Variants in PCDHA11 observed in about 807,000 individuals in gnomAD.
PCDHA11 encodes protocadherin alpha 11, also known as protocadherin alpha-11.
In PCDHA11, 61 loss-of-function variants were observed where a neutral mutation model predicts 70.3. That is an observed-to-expected ratio of 0.87 (90% confidence interval 0.71 to 1.07). The LOEUF is 1.07. PCDHA11 is among the 50% of genes least tolerant of loss of function. PCDHA11 has a pLI of 0.00. For missense variants in PCDHA11, 1,324 were observed against 1,237.5 expected (o/e 1.07, Z -1.05); for synonymous variants, 633 against 555.1 (o/e 1.14, Z -1.97).
chr5:140,928,744 C>T (rs143875858), intron 1 of PCDHA11: 3 of 1,614,144 alleles, frequency 1.9e-6, no homozygotes, highest in Admixed American at 3.3e-5. Context: ...TATAGGTGAG[C>T]TCCGTACTGC....
intron 3 of PCDHA11, chr5:140,989,112 T>C (rs1312650713): frequency 1.3e-5 from 2 of 152,222 alleles, no homozygotes; most frequent in Non-Finnish European, 2.9e-5. Context: ...CTTTTGAATA[T>C]ATCTTAGAAA....
rs1028376160 is a variant in PCDHA11 at position 140,924,281 on chromosome 5, C to T, written c.2391+52787C>T. Among the ~76,000 whole-genome samples the T allele has an allele frequency of 2.6e-5, 4 of 152,170 alleles. No individual in the cohort carries two copies. The East Asian group carries it at 7.7e-4, about 29-fold the overall frequency. ...TAATGAGGTCTGTACTTGTGACTAC[C>T]TAATAGGCTGACATGTTTCCTCCTT... is the stretch of plus-strand genomic sequence containing the variant. On this transcript the variant is annotated intron_variant, in intron 1 of 3. Coordinates refer to ENST00000398640, the MANE Select transcript of PCDHA11 (RefSeq NM_018902.5).
intron 1 of PCDHA11, among the ~76,000 whole-genome samples, chr5:140,907,439 A>G (rs1217956706): frequency 6.6e-6 from 1 of 152,250 alleles, no homozygotes; most frequent in Admixed American, 6.5e-5. Context: ...CTGTGAGTCC[A>G]CAGATGGTAA....
chr5:140,907,037 A>G (rs2073120356), intron 1 of PCDHA11, among the ~76,000 whole-genome samples: 1 of 152,202 alleles, frequency 6.6e-6, no homozygotes, highest in Non-Finnish European at 1.5e-5. Flanking sequence ...ATAATGTCAC[A>G]GGGACAGTAA....
chr5:140,921,131 C>A (rs532456439), intron 1 of PCDHA11, among the ~76,000 whole-genome samples: 1 of 133,054 alleles, frequency 7.5e-6, no homozygotes, highest in East Asian at 2.3e-4. Flanking sequence ...CAGGTGCACA[C>A]CACTACACCC....
chr5:140,929,511 G>T, intron 1 of PCDHA11: 1 of 781,088 alleles, frequency 1.3e-6, no homozygotes, highest in Non-Finnish European at 1.8e-6. Flanking sequence ...AGGCCTCAAG[G>T]GACTTATAGT....
In PCDHA11 at chr5:140,937,639, A is replaced by G. The variant is rs140444916; in HGVS notation, c.2392-41310A>G. On this transcript the variant is annotated intron_variant, in intron 1 of 3. Transcript: ENST00000398640. ...CTAAAAAGAAAAAGAAAGGCAGGGC[A>G]TGGTGGCTCACGCCTGTAATCCCAG... is the stretch of plus-strand genomic sequence containing the variant. 9.3e-5 allele frequency among the ~76,000 whole-genome samples: 14 copies of G among 151,094 alleles called. No individual in the cohort carries two copies. In the East Asian group the frequency reaches 1.8e-3, roughly 20 times the overall value.
chr5:140,937,219 T>A (rs555881657), intron 1 of PCDHA11, among the ~76,000 whole-genome samples: 4 of 151,838 alleles, frequency 2.6e-5, no homozygotes, highest in East Asian at 3.9e-4. Context: ...TTGTATTTTT[T>A]GTAGAGACGG....
intron 1 of PCDHA11, among the ~76,000 whole-genome samples, chr5:140,938,121 A>C (rs981387543): frequency 6.6e-6 from 1 of 151,892 alleles, no homozygotes; most frequent in South Asian, 2.1e-4. Flanking sequence ...CTCTTTTTTT[A>C]AAAAAATAGA....
chr5:140,970,427 GGTGTTA>G (rs1442614278), intron 1 of PCDHA11, among the ~76,000 whole-genome samples: 6 of 152,192 alleles, frequency 3.9e-5, no homozygotes, highest in Admixed American at 3.3e-4. Context: ...TGTAGAGGCA[GGTGTTA>G]GTATATGCAC....
rs545473160 is a variant in PCDHA11 at position 140,873,172 on chromosome 5, G to C, written c.2391+1678G>C. ...CATAGACTTTAGATCGAGAGCTTTT[G>C]TATCATAATATTCATTGGCTAAAAA... On this transcript the variant is annotated intron_variant, in intron 1 of 3. Transcript: ENST00000398640. 2.6e-5 allele frequency among the ~76,000 whole-genome samples: 4 copies of C among 152,084 alleles called. No individual in the cohort carries two copies. In the South Asian group the frequency reaches 8.3e-4, roughly 32 times the overall value.
At position 141,012,295 on chromosome 5, in the gene PCDHA11, T is replaced by C. The variant is rs2098423507; in HGVS notation, c.*2358T>C. ...GTCATGTGGATTCATTTTGAATTGG[T>C]GCTATTGGTATTTCCTCTGTTATTG... On this transcript the variant is annotated 3_prime_UTR_variant, in exon 4 of 4. Coordinates refer to ENST00000398640, the MANE Select transcript of PCDHA11 (RefSeq NM_018902.5). 6.5e-6 allele frequency: 1 copy of C among 153,776 alleles called. No homozygotes were observed. The highest frequency in any genetic ancestry group is 2.4e-5 in the African/African-American group (1 of 41,466). 9.5% of individuals were successfully genotyped at this position (153,776 alleles called of 1,614,324 possible).
At chr5:140,883,697 G>A (rs376619145) in intron 1 of PCDHA11, 3 of 1,613,880 alleles carry the variant, frequency 1.9e-6, no homozygotes, top group South Asian at 1.1e-5. Flanking sequence ...CATCTTCACG[G>A]TGTCTGCTCA....
At position 140,870,898 on chromosome 5, in the gene PCDHA11, G is replaced by A. The variant is rs781950776; in HGVS notation, c.1795G>A (p.Asp599Asn). The A allele has an allele frequency of 7.7e-5, 124 of 1,613,858 alleles. No homozygotes were observed. Among genetic ancestry groups the A allele is most frequent in the Non-Finnish European group, 1.0e-4 (119 of 1,179,920 alleles). ...GGCGAAGGTGCGCGCAGTGGATGCG[G>A]ACTCAGGCTACAACGCGTGGCTTTC... ...VVAKVRAVDA[D>N]SGYNAWLSYE... The change falls in exon 1 of 4, where the codon GAC (aspartate) becomes AAC (asparagine). Residue 599 changes from aspartate (D) to asparagine (N), a missense_variant. By Grantham distance (23) the Asp-to-Asn change is conservative. Transcript: ENST00000398640.
chr5:140,991,968 C>A (rs80040458), intron 3 of PCDHA11, among the ~76,000 whole-genome samples: 1,562 of 151,686 alleles, frequency 0.01, 27 homozygotes, highest in African/African-American at 0.036. Context: ...TTTGGTGGGG[C>A]CATTATTCTG....
chr5:140,991,482 G>A (rs781952323), intron 3 of PCDHA11, among the ~76,000 whole-genome samples: 3 of 152,204 alleles, frequency 2.0e-5, no homozygotes, highest in Non-Finnish European at 4.4e-5. Flanking sequence ...CTGGAAGTCA[G>A]AAGTCCACAG....
intron 1 of PCDHA11, among the ~76,000 whole-genome samples, chr5:140,910,110 G>A (rs964418352): frequency 6.6e-6 from 1 of 152,194 alleles, no homozygotes; most frequent in South Asian, 2.1e-4. Flanking sequence ...TCATTTAAGG[G>A]ATTCTAGGTC....
intron 1 of PCDHA11, among the ~76,000 whole-genome samples, chr5:140,920,771 G>A (rs1256445366): frequency 6.6e-6 from 1 of 151,698 alleles, no homozygotes; most frequent in African/African-American, 2.4e-5. Context: ...TTACACCTGG[G>A]AGGTGGAGGT....
intron 1 of PCDHA11, among the ~76,000 whole-genome samples, chr5:140,879,506 A>T (rs1156992401): frequency 1.3e-5 from 2 of 152,224 alleles, no homozygotes; most frequent in Non-Finnish European, 2.9e-5. Context: ...CTCAGAAGAG[A>T]TTATTGATAT....
Sources: gnomAD v4.1 joint callset for allele counts (sites outside exome capture counted in the v4.1 genomes callset) on GRCh38, gnomAD v4.1.1 for gene constraint, MANE v1.5 for transcripts, NCBI Gene and HGNC (gene_info 2026-07-23, HGNC 2026-07-21) for gene names.